Variants in NCAM1 observed in about 807,000 individuals in gnomAD.
NCAM1 encodes antigen recognized by monoclonal antibody 5.1H11.
NCAM1 carries 14 observed loss-of-function variants against 109.8 expected under a neutral mutation model. The ratio of observed to expected loss-of-function variants is 0.13; its 90% confidence interval spans 0.08 to 0.20. The LOEUF (loss-of-function observed/expected upper bound fraction) is 0.20. Ranked by LOEUF, NCAM1 falls within the 10% of genes least tolerant of loss-of-function variation. The probability of loss-of-function intolerance (pLI) is 1.00; values close to 1 mark genes in which losing one functional copy is unlikely to be tolerated. For synonymous variants in NCAM1, 418 were observed against 442.9 expected (o/e 0.94, Z 0.70); for missense variants, 774 against 1,109.9 (o/e 0.70, Z 4.30).
At chr11:113,244,459 G>A (rs569727820) in intron 14 of NCAM1, among the ~76,000 whole-genome samples, 32 of 152,306 alleles carry the variant, frequency 2.1e-4, no homozygotes, top group African/African-American at 7.2e-4. Flanking sequence ...CTGAGATAAA[G>A]GAAAGATGCT....
chr11:113,254,040 A>C (rs1387425817), intron 15 of NCAM1, among the ~76,000 whole-genome samples: 1 of 152,218 alleles, frequency 6.6e-6, no homozygotes, highest in East Asian at 1.9e-4. Context: ...CTGAATCTAC[A>C]CAGAGCTCCT....
chr11:113,139,729 T>G (rs1941743745), intron 1 of NCAM1, among the ~76,000 whole-genome samples: 1 of 152,094 alleles, frequency 6.6e-6, no homozygotes, highest in African/African-American at 2.4e-5. Flanking sequence ...CAGAATTGGC[T>G]TCAAAAATCT....
At chr11:113,029,388 G>C (rs1477575458) in intron 1 of NCAM1, among the ~76,000 whole-genome samples, 1 of 152,194 alleles carries the variant, frequency 6.6e-6, no homozygotes, top group African/African-American at 2.4e-5. Context: ...GTGGTGCCAT[G>C]TCCCACCCCT....
intron 1 of NCAM1, among the ~76,000 whole-genome samples, chr11:113,037,732 G>T (rs1555079421): frequency 6.6e-6 from 1 of 152,174 alleles, no homozygotes; most frequent in African/African-American, 2.4e-5. Flanking sequence ...AATGCTGCGG[G>T]CATTTCTATG....
At chr11:113,264,996 C>A in intron 17 of NCAM1, 1 of 985,544 alleles carries the variant, frequency 1.0e-6, no homozygotes, top group Non-Finnish European at 1.2e-6. Context: ...AGCCACACCC[C>A]ACTCCCCTGT....
In NCAM1 at chr11:112,984,071, C is replaced by T. The variant is rs142860988; in HGVS notation, c.52+22407C>T. On this transcript the variant is annotated intron_variant, in intron 1 of 19. Coordinates refer to ENST00000316851, the MANE Select transcript of NCAM1 (RefSeq NM_181351.5). Reference sequence around the variant, plus strand: ...TTCCCATTAGCTCCTCTCCTGACTCCTGCCCTGGTAACCACCATTCTACTC... The same window carrying T: ...TTCCCATTAGCTCCTCTCCTGACTCTTGCCCTGGTAACCACCATTCTACTC... Among the ~76,000 whole-genome samples the T allele has an allele frequency of 6.8e-4, 103 of 152,002 alleles. 1 individual carries two copies. The highest frequency in any genetic ancestry group is 2.4e-3 in the African/African-American group (100 of 41,508).
intron 1 of NCAM1, among the ~76,000 whole-genome samples, chr11:113,102,775 A>G (rs10891505): frequency 0.49 from 75,000 of 152,114 alleles, 19,323 homozygotes; most frequent in Middle Eastern, 0.55. Flanking sequence ...TAGCAGTTCC[A>G]TGGGAATGTG....
intron 7 of NCAM1, 43 bp downstream of exon 7, chr11:113,208,045 C>G: frequency 6.4e-7 from 1 of 1,566,234 alleles, no homozygotes; most frequent in Non-Finnish European, 8.7e-7. Flanking sequence ...GCCACAATTC[C>G]CCTTCCTCTG....
At position 113,277,231 on chromosome 11, in the gene NCAM1, C is replaced by A; in HGVS notation, c.*1844C>A. On this transcript the variant is annotated 3_prime_UTR_variant, in exon 20 of 20. Transcript: ENST00000316851. ...TGGGTCCATTCTGTGGGCCACTCTC[C>A]CCAACGTTCTGACACTTCTGCAGTC... 1 of 398,098 alleles carries A rather than the reference C, an allele frequency of 2.5e-6. No individual in the cohort carries two copies. Among genetic ancestry groups the A allele is most frequent in the Non-Finnish European group, 4.4e-6 (1 of 225,708 alleles). The allele number at this position is 398,098 out of a possible 1,614,324, so 24.7% of individuals were successfully genotyped here.
chr11:112,977,777 T>C (rs1262702055), intron 1 of NCAM1, among the ~76,000 whole-genome samples: 4 of 151,862 alleles, frequency 2.6e-5, no homozygotes, highest in Non-Finnish European at 5.9e-5. Flanking sequence ...GAAAGGCTTG[T>C]TGGTGGTTCT....
chr11:113,023,307 C>CT (rs1440060888), intron 1 of NCAM1, among the ~76,000 whole-genome samples: 6 of 152,166 alleles, frequency 3.9e-5, no homozygotes, highest in African/African-American at 1.4e-4. Flanking sequence ...TCTTAGTAGT[C>CT]TGACAGTCTT....
In NCAM1 at chr11:113,139,385, T is replaced by C. The variant is rs557911474; in HGVS notation, c.53-62994T>C. ...TCGTTTATTTTTATTATTTGGGCATTGATTTTCTCTACCATTTGTTTCCAC... is the reference window on the plus strand; with the variant it reads ...TCGTTTATTTTTATTATTTGGGCATCGATTTTCTCTACCATTTGTTTCCAC... On this transcript the variant is annotated intron_variant, in intron 1 of 19. Transcript: ENST00000316851. 3.3e-5 allele frequency among the ~76,000 whole-genome samples: 5 copies of C among 152,306 alleles called. No homozygotes were observed. In the East Asian group the frequency reaches 9.7e-4, roughly 29 times the overall value.
intron 1 of NCAM1, among the ~76,000 whole-genome samples, chr11:113,070,427 C>T (rs1283964207): frequency 6.6e-6 from 1 of 152,018 alleles, no homozygotes; most frequent in Non-Finnish European, 1.5e-5. Context: ...GCACAGGTAG[C>T]TGGAGAGAGG....
chr11:113,195,088 A>G (rs552453315), intron 1 of NCAM1, among the ~76,000 whole-genome samples: 61 of 152,358 alleles, frequency 4.0e-4, no homozygotes, highest in African/African-American at 1.4e-3. Context: ...TGAAGCCATT[A>G]TACTGAAACA....
intron 1 of NCAM1, among the ~76,000 whole-genome samples, chr11:113,187,353 C>A (rs1201513175): frequency 2.0e-5 from 3 of 152,128 alleles, no homozygotes; most frequent in Non-Finnish European, 2.9e-5. Flanking sequence ...AGGGAAGGTA[C>A]AGGACACAGA....
At chr11:113,271,902 C>T (rs1555125502) in intron 19 of NCAM1, 26 bp downstream of exon 19, 7 of 1,533,750 alleles carry the variant, frequency 4.6e-6, no homozygotes, top group Admixed American at 2.0e-5. Flanking sequence ...GGGGCTGGCA[C>T]CTGCTCCGTA....
At chr11:113,098,823 A>G (rs1378092957) in intron 1 of NCAM1, among the ~76,000 whole-genome samples, 3 of 152,156 alleles carry the variant, frequency 2.0e-5, no homozygotes, top group African/African-American at 7.2e-5. Context: ...AACTTTCAAG[A>G]ATATAGGTTG....
chr11:113,179,094 C>T (rs1264005410), intron 1 of NCAM1, among the ~76,000 whole-genome samples: 2 of 152,202 alleles, frequency 1.3e-5, no homozygotes, highest in Non-Finnish European at 2.9e-5. Context: ...GGAGGATTTA[C>T]ACCACAGATA....
At position 113,271,830 on chromosome 11, in the gene NCAM1, G is replaced by A. The variant is rs1284362997; in HGVS notation, c.2410G>A (p.Gly804Arg). 1.3e-6 allele frequency: 2 copies of A among 1,573,398 alleles called. No homozygotes were observed. The highest frequency in any genetic ancestry group is 2.4e-5 in the East Asian group (1 of 42,268). ...GGAGAGGACCCCAAACCATGATGGA[G>A]GGAAACACACAGAGCCCAACGAGAC... ...EEERTPNHDGGKHTEPNETTP... is the reference protein window; with the variant it reads ...EEERTPNHDGRKHTEPNETTP... Residue 804 changes from glycine to arginine, a missense_variant, in exon 19 of 20, where the codon GGG becomes AGG. Gly to Arg is a moderately radical substitution (Grantham distance 125). Around this residue, in one of 4 missense-constraint regions of NCAM1, gnomAD observed 122 missense variants for 129.7 expected, o/e 0.94. Transcript: ENST00000316851.
Sources: gnomAD v4.1 joint callset for allele counts (sites outside exome capture counted in the v4.1 genomes callset) on GRCh38, gnomAD v4.1.1 for gene constraint, gnomAD v4.1.1 regional missense constraint, MANE v1.5 for transcripts, NCBI Gene and HGNC (gene_info 2026-07-23, HGNC 2026-07-21) for gene names.